Variants in PCDH7 observed in about 807,000 individuals in gnomAD.
PCDH7 encodes the protein protocadherin 7, also known as protocadherin-7.
Under a neutral mutation model 58.9 loss-of-function variants are expected in PCDH7, and 17 were observed. The observed-to-expected ratio is 0.29, with a 90% CI of 0.20 to 0.43. The LOEUF is 0.43. Ranked by LOEUF, PCDH7 falls within the 20% of genes least tolerant of loss-of-function variation. The probability of loss-of-function intolerance (pLI) is 1.00; values close to 1 mark genes in which losing one functional copy is unlikely to be tolerated. For synonymous variants in PCDH7, 664 were observed against 616.4 expected (o/e 1.08, Z -1.14); for missense variants, 1,274 against 1,441.0 (o/e 0.88, Z 1.88).
intron 2 of PCDH7, among the ~76,000 whole-genome samples, chr4:30,940,759 G>A (rs1246275348): frequency 6.6e-6 from 1 of 151,908 alleles, no homozygotes; most frequent in African/African-American, 2.4e-5. Flanking sequence ...TAAGTTTGAT[G>A]ATAGTTAACC....
In PCDH7 at chr4:30,762,709, G is replaced by A. The variant is rs114014433; in HGVS notation, c.70+38113G>A. On this transcript the variant is annotated intron_variant, in intron 1 of 3. Transcript: ENST00000509759. ...TATTATTACTGTCTTGGACTGGATT[G>A]CATTAGATCTTCAGAGTAAGGCAGC... Among the ~76,000 whole-genome samples the A allele has an allele frequency of 4.7e-3, 711 of 152,318 alleles. 6 individuals are homozygous for A. Among genetic ancestry groups the A allele is most frequent in the African/African-American group, 0.016 (673 of 41,578 alleles).
At chr4:30,824,118 T>TCTTC (rs1491192926) in intron 1 of PCDH7, among the ~76,000 whole-genome samples, 2 of 145,436 alleles carry the variant, frequency 1.4e-5, no homozygotes, top group Non-Finnish European at 3.0e-5. Flanking sequence ...TTTCTTTCTT[T>TCTTC]CTTTCTTTCT....
chr4:31,121,612 T>C (rs1717701513), intron 3 of PCDH7, among the ~76,000 whole-genome samples: 1 of 152,184 alleles, frequency 6.6e-6, no homozygotes, highest in South Asian at 2.1e-4. Flanking sequence ...GTTGAGAATT[T>C]GTAGTTCTTG....
chr4:30,951,147 A>G (rs1747325030), intron 3 of PCDH7, among the ~76,000 whole-genome samples: 1 of 152,286 alleles, frequency 6.6e-6, no homozygotes, highest in East Asian at 1.9e-4. Context: ...TAGTGTGTCT[A>G]TGGGTGTGTA....
intron 2 of PCDH7, among the ~76,000 whole-genome samples, chr4:30,948,088 C>T (rs1392704701): frequency 6.6e-6 from 1 of 151,848 alleles, no homozygotes. Flanking sequence ...TTGCTTATTA[C>T]ATCTTAATAA....
intron 2 of PCDH7, among the ~76,000 whole-genome samples, chr4:30,921,486 A>G (rs1743185300): frequency 1.3e-5 from 2 of 152,162 alleles, no homozygotes; most frequent in Non-Finnish European, 2.9e-5. Flanking sequence ...ATATTAGAAT[A>G]TAATATATTA....
chr4:30,853,905 A>G (rs1733108415), intron 1 of PCDH7, among the ~76,000 whole-genome samples: 2 of 152,072 alleles, frequency 1.3e-5, no homozygotes, highest in African/African-American at 4.8e-5. Context: ...TAGCCTAATC[A>G]AATTTAAAAG....
intron 3 of PCDH7, among the ~76,000 whole-genome samples, chr4:31,120,441 CTTTT>C (rs138878762): frequency 7.4e-5 from 8 of 107,988 alleles, no homozygotes; most frequent in Non-Finnish European, 9.5e-5. Flanking sequence ...CTATTTTTTT[CTTTT>C]TTTTTTTTTT....
chr4:31,101,995 A>AT (rs1714954031), intron 3 of PCDH7, among the ~76,000 whole-genome samples: 1 of 152,186 alleles, frequency 6.6e-6, no homozygotes, highest in African/African-American at 2.4e-5. Context: ...AATGACTTAA[A>AT]TATTACCCAT....
At chr4:31,043,764 C>A (rs1157868228) in intron 3 of PCDH7, among the ~76,000 whole-genome samples, 1 of 150,982 alleles carries the variant, frequency 6.6e-6, no homozygotes, top group Non-Finnish European at 1.5e-5. Context: ...ATAATAGTTT[C>A]TTTACTCTGA....
chr4:31,133,276 T>G (rs1578883859), intron 3 of PCDH7, among the ~76,000 whole-genome samples: 1 of 152,304 alleles, frequency 6.6e-6, no homozygotes, highest in East Asian at 1.9e-4. Flanking sequence ...CCATGCAAAA[T>G]TTTGTGGGTA....
At chr4:30,868,001 G>T (rs1735091456) in intron 1 of PCDH7, among the ~76,000 whole-genome samples, 1 of 151,910 alleles carries the variant, frequency 6.6e-6, no homozygotes, top group Non-Finnish European at 1.5e-5. Context: ...GCTCAAATTT[G>T]AAGCCACATT....
chr4:30,859,004 T>A (rs145763282), intron 1 of PCDH7, among the ~76,000 whole-genome samples: 4 of 152,302 alleles, frequency 2.6e-5, no homozygotes, highest in Non-Finnish European at 5.9e-5. Context: ...GTGTTACTCT[T>A]CTCTAGCTTT....
chr4:30,953,015 A>G (rs1747516948), intron 3 of PCDH7, among the ~76,000 whole-genome samples: 1 of 152,182 alleles, frequency 6.6e-6, no homozygotes, highest in Non-Finnish European at 1.5e-5. Context: ...CCTGAAGCGT[A>G]GAATAAATAT....
At chr4:30,940,506 G>C (rs1274851121) in intron 2 of PCDH7, among the ~76,000 whole-genome samples, 7 of 151,812 alleles carry the variant, frequency 4.6e-5, no homozygotes, top group South Asian at 2.1e-4. Context: ...AATATTTTTT[G>C]TGCATTATGT....
At chr4:30,800,984 A>C (rs1173522520) in intron 1 of PCDH7, among the ~76,000 whole-genome samples, 6 of 152,344 alleles carry the variant, frequency 3.9e-5, no homozygotes, top group Non-Finnish European at 7.3e-5. Flanking sequence ...AGTGGAGGGC[A>C]GTTTATGGTG....
At chr4:31,036,293 T>C (rs781671867) in intron 3 of PCDH7, among the ~76,000 whole-genome samples, 29 of 152,068 alleles carry the variant, frequency 1.9e-4, no homozygotes, top group Non-Finnish European at 4.0e-4. Flanking sequence ...TCAAGCTATT[T>C]TCCTGCCTCA....
chr4:31,020,626 G>C (rs1469425947), intron 3 of PCDH7, among the ~76,000 whole-genome samples: 9 of 152,138 alleles, frequency 5.9e-5, no homozygotes, highest in Non-Finnish European at 7.4e-5. Flanking sequence ...AGTACTTCAG[G>C]ACCTGTGTGC....
chr4:30,960,988 A>G (rs982299152), intron 3 of PCDH7, among the ~76,000 whole-genome samples: 1 of 152,216 alleles, frequency 6.6e-6, no homozygotes, highest in Admixed American at 6.5e-5. Flanking sequence ...CTAGGTGACT[A>G]AAATATGTGA....
Sources: gnomAD v4.1 joint callset for allele counts (sites outside exome capture counted in the v4.1 genomes callset) on GRCh38, gnomAD v4.1.1 for gene constraint, MANE v1.5 for transcripts, NCBI Gene and HGNC (gene_info 2026-07-23, HGNC 2026-07-21) for gene names.